The following WDR26 variants were observed in gnomAD, a reference collection of about 807,000 sequenced individuals.
WDR26 encodes WD repeat domain 26.
A neutral mutation model predicts 84.1 loss-of-function variants in WDR26; 5 were observed. The ratio of observed to expected loss-of-function variants is 0.06; its 90% CI spans 0.03 to 0.13. The LOEUF (loss-of-function observed/expected upper bound fraction) is 0.13, where lower values mean the gene tolerates loss of function less well. WDR26 is among the 10% of genes least tolerant of loss of function. The probability of loss-of-function intolerance (pLI) is 1.00; values close to 1 mark genes in which losing one functional copy is unlikely to be tolerated. For synonymous variants in WDR26, 415 were observed against 389.6 expected, an observed-to-expected ratio of 1.07 and a Z score of -0.77; for missense variants, 642 against 974.9, an observed-to-expected ratio of 0.66 and a Z score of 4.55.
chr1:224,432,466 C>T (rs906355200), intron 1 of WDR26, among the ~76,000 whole-genome samples: 3 of 152,202 alleles, frequency 2.0e-5, no homozygotes, highest in South Asian at 2.1e-4. Flanking sequence ...ACATATTTGT[C>T]TTTGAGCACT....
At chr1:224,433,096 T>C (rs1471516961) in intron 1 of WDR26, among the ~76,000 whole-genome samples, 1 of 152,192 alleles carries the variant, frequency 6.6e-6, no homozygotes, top group Non-Finnish European at 1.5e-5. Context: ...CACTGTATCT[T>C]CATTATTCGC....
chr1:224,415,131 T>G (rs1271195992), intron 6 of WDR26, among the ~76,000 whole-genome samples: 1 of 152,258 alleles, frequency 6.6e-6, no homozygotes, highest in Non-Finnish European at 1.5e-5. Context: ...GACATTATTC[T>G]CTTAGTGACT....
At chr1:224,406,009 T>A (rs553674227) in intron 7 of WDR26, among the ~76,000 whole-genome samples, 1 of 152,254 alleles carries the variant, frequency 6.6e-6, no homozygotes, top group Admixed American at 6.5e-5. Context: ...TCACAGTCAG[T>A]TCCCAAAAAA....
At chr1:224,396,154 G>C (rs749636969) in intron 12 of WDR26, among the ~76,000 whole-genome samples, 1 of 152,140 alleles carries the variant, frequency 6.6e-6, no homozygotes, top group Non-Finnish European at 1.5e-5. Flanking sequence ...ACTAATCTCT[G>C]TACTTGACAG....
At chr1:224,405,264 T>C (rs999004267) in intron 7 of WDR26, among the ~76,000 whole-genome samples, 1 of 152,250 alleles carries the variant, frequency 6.6e-6, no homozygotes, top group African/African-American at 2.4e-5. Context: ...TAGTATTTAA[T>C]CTCTTTTTAT....
At chr1:224,421,641 T>C (rs1311899891) in intron 4 of WDR26, among the ~76,000 whole-genome samples, 2 of 152,022 alleles carry the variant, frequency 1.3e-5, no homozygotes, top group East Asian at 3.9e-4. Context: ...TATCAAAACA[T>C]CTAGCAGGCC....
At chr1:224,419,676 T>C (rs1221742612) in intron 4 of WDR26, 61 bp from the exon 5 acceptor site, 5 of 1,309,772 alleles carry the variant, frequency 3.8e-6, no homozygotes, top group Non-Finnish European at 4.4e-6. Flanking sequence ...TAAATGTAAT[T>C]GAAAAGTACT....
In WDR26 at chr1:224,421,225, A is replaced by G. The variant is rs180881003; in HGVS notation, c.1065-1610T>C. 3.1e-3 allele frequency among the ~76,000 whole-genome samples: 471 copies of G among 152,226 alleles called. 1 individual carries two copies. The highest frequency in any genetic ancestry group is 0.01 in the African/African-American group (436 of 41,526). On this transcript the variant is annotated intron_variant, in intron 4 of 13. Transcript: ENST00000414423. ...GCTTCAGAATAAAACCCATATGACT[A>G]ATTATATGTTCTGACACAAGAGCAG...
rs968551740 is a variant in WDR26, at chr1:224,392,997, T to G, written c.2260+831A>C. 4.6e-5 allele frequency among the ~76,000 whole-genome samples: 7 copies of G among 152,202 alleles called. No homozygotes were observed. In the East Asian group the frequency reaches 1.3e-3, roughly 29 times the overall value. On this transcript the variant is annotated intron_variant, in intron 13 of 13. Transcript: ENST00000414423. ...TAAGCAAACCAAACATTTTACGTGC[T>G]CTATTTAAGAGAGTCATTTACATGA...
chr1:224,393,906 T>C lies in WDR26; in HGVS notation c.2182A>G (p.Met728Val), dbSNP rs1264925644. The change falls in exon 13 of 14, where the codon ATG (methionine) becomes GTG (valine). Residue 728 changes from methionine to valine, a missense_variant. This residue lies in a region of WDR26 where 351 missense variants were observed against 672.8 expected (regional missense o/e 0.52). Coordinates refer to ENST00000414423, the MANE Select transcript of WDR26 (RefSeq NM_001379403.1). ...CCATCATCTGAGGCGCTGGCCATCATGGATGGAATCTGTGGGTTCCAGCTC... is the reference window on the plus strand; with the variant it reads ...CCATCATCTGAGGCGCTGGCCATCACGGATGGAATCTGTGGGTTCCAGCTC... The C allele has an allele frequency of 1.9e-5, 31 of 1,595,060 alleles. No homozygotes were observed. The highest frequency in any genetic ancestry group is 2.6e-5 in the Non-Finnish European group (30 of 1,165,070).
chr1:224,424,480 C>T (rs1674155432), intron 4 of WDR26, 38 bp downstream of exon 4: 1 of 1,593,914 alleles, frequency 6.3e-7, no homozygotes, highest in African/African-American at 1.4e-5. Context: ...TAACTTTGGC[C>T]CTCCATTAAC....
chr1:224,396,684 C>G (rs189368923), intron 12 of WDR26, among the ~76,000 whole-genome samples: 3 of 152,162 alleles, frequency 2.0e-5, no homozygotes, highest in Non-Finnish European at 4.4e-5. Context: ...TCAGGCTGGG[C>G]GCGGTGGCTC....
intron 7 of WDR26, among the ~76,000 whole-genome samples, chr1:224,405,810 G>A (rs1673533606): frequency 6.6e-6 from 1 of 152,188 alleles, no homozygotes; most frequent in South Asian, 2.1e-4. Context: ...TGACATGTTT[G>A]TTGTAGGCTA....
At chr1:224,398,425 AT>A in intron 11 of WDR26, 89 bp downstream of exon 11, 1 of 1,316,496 alleles carries the variant, frequency 7.6e-7, no homozygotes. Context: ...TAAGTAGAAA[AT>A]TTTGTTAATA....
In WDR26 at chr1:224,386,646, A is replaced by C. The variant is rs1672997868; in HGVS notation, c.*3189T>G. On this transcript the variant is annotated 3_prime_UTR_variant, in exon 14 of 14. Transcript: ENST00000414423. Reference sequence around the variant, plus strand: ...CTGCTGTTTTTTTCAGACTAAGAAAATACTGACAAAATTGGATTTTTTTCT... The same window carrying C: ...CTGCTGTTTTTTTCAGACTAAGAAACTACTGACAAAATTGGATTTTTTTCT... The C allele has an allele frequency of 6.6e-6, 1 of 152,466 alleles. No homozygotes were observed. The highest frequency in any genetic ancestry group is 2.1e-4 in the South Asian group (1 of 4,830). The allele number at this position is 152,466 out of a possible 1,614,324, so 9.4% of individuals were successfully genotyped here.
At chr1:224,416,353 G>C (rs1216394780) in intron 6 of WDR26, among the ~76,000 whole-genome samples, 1 of 151,644 alleles carries the variant, frequency 6.6e-6, no homozygotes, top group Non-Finnish European at 1.5e-5. Flanking sequence ...TCAGCCTCCC[G>C]AGTAGCTGGG....
chr1:224,418,442 G>A (rs1207699180), intron 5 of WDR26, 26 bp from the exon 6 acceptor site: 4 of 1,565,640 alleles, frequency 2.6e-6, no homozygotes, highest in Non-Finnish European at 3.4e-6. Flanking sequence ...TTTTAAAAAA[G>A]AGAAATAATA....
intron 12 of WDR26, among the ~76,000 whole-genome samples, chr1:224,397,398 G>C (rs1477565250): frequency 6.6e-6 from 1 of 152,198 alleles, no homozygotes; most frequent in East Asian, 1.9e-4. Context: ...CACTAGTTAA[G>C]TTCCTATCGC....
rs866697786 is a variant in WDR26 at position 224,415,468 on chromosome 1, T to C, written c.1319+2792A>G. Among the ~76,000 whole-genome samples, 7 of 119,714 alleles carry C rather than the reference T, an allele frequency of 5.8e-5. No homozygotes were observed. The South Asian group carries it at 1.3e-3, about 22-fold the overall frequency. The allele number at this position is 119,714 out of a possible 152,430, so 78.5% of individuals were successfully genotyped here. ...GTATTTCTTTCTTTTTTTTTTTTTT[T>C]TTTTTTTTTTGAGACGGAGTCTTGC... is the stretch of plus-strand genomic sequence containing the variant. On this transcript the variant is annotated intron_variant, in intron 6 of 13. Transcript: ENST00000414423.
Sources: gnomAD v4.1 joint callset for allele counts (sites outside exome capture counted in the v4.1 genomes callset) on GRCh38, gnomAD v4.1.1 for gene constraint, gnomAD v4.1.1 regional missense constraint, MANE v1.5 for transcripts, NCBI Gene and HGNC (gene_info 2026-07-23, HGNC 2026-07-21) for gene names.